The following MICU2 variants were observed in gnomAD, a reference collection of about 807,000 sequenced individuals.
MICU2 encodes the protein mitochondrial calcium uptake 2.
In MICU2, 64 loss-of-function variants were observed where a neutral mutation model predicts 60.4. The ratio of observed to expected loss-of-function variants is 1.06; its 90% CI spans 0.87 to 1.31. MICU2 has a LOEUF of 1.31. Among genes scored for constraint, MICU2 ranks in the 50% most tolerant of loss-of-function variants. The pLI, the probability that MICU2 is intolerant of heterozygous loss-of-function variation, is 0.00. For synonymous variants in MICU2, 201 were observed against 175.0 expected (o/e 1.15, Z -1.17); for missense variants, 569 against 531.0 (o/e 1.07, Z -0.70).
rs545049229 is a variant in MICU2, at chr13:21,563,075, T to C, written c.358+3722A>G. ...CCCTCTTCTTGCTTAAAAAGAAATATATAATTCTTACCATTGTTTTTCTAC... is the reference window on the plus strand; with the variant it reads ...CCCTCTTCTTGCTTAAAAAGAAATACATAATTCTTACCATTGTTTTTCTAC... On this transcript the variant is annotated intron_variant, in intron 2 of 11. Transcript: ENST00000382374. 5.3e-5 allele frequency among the ~76,000 whole-genome samples: 8 copies of C among 152,334 alleles called. No individual in the cohort carries two copies. The South Asian group carries it at 6.2e-4, about 12-fold the overall frequency.
intron 1 of MICU2, among the ~76,000 whole-genome samples, chr13:21,570,999 CT>C (rs1482892355): frequency 2.0e-5 from 3 of 152,276 alleles, no homozygotes; most frequent in African/African-American, 7.2e-5. Flanking sequence ...CTTTTCCTTT[CT>C]TTCTTCACTT....
chr13:21,570,485 T>C (rs1204941840), intron 1 of MICU2, among the ~76,000 whole-genome samples: 1 of 152,212 alleles, frequency 6.6e-6, no homozygotes, highest in Non-Finnish European at 1.5e-5. Context: ...ACTTGATAGA[T>C]TTAATGGTCA....
At chr13:21,518,623 T>G (rs12861578) in intron 6 of MICU2, among the ~76,000 whole-genome samples, 50,001 of 152,046 alleles carry the variant, frequency 0.33, 9,257 homozygotes, top group Non-Finnish European at 0.41. Flanking sequence ...TTATGGTAAA[T>G]GCAAATTCTC....
chr13:21,592,331 G>A (rs193081254), intron 1 of MICU2, among the ~76,000 whole-genome samples: 2 of 152,232 alleles, frequency 1.3e-5, no homozygotes, highest in Non-Finnish European at 2.9e-5. Flanking sequence ...TCGAATCCTT[G>A]AATAGACCAA....
intron 4 of MICU2, among the ~76,000 whole-genome samples, chr13:21,533,650 T>C (rs1887062067): frequency 1.3e-5 from 2 of 152,076 alleles, no homozygotes; most frequent in Admixed American, 1.3e-4. Flanking sequence ...AAAAATTCTA[T>C]TTGTGTTTAA....
At chr13:21,592,311 CAAG>C (rs1346896771) in intron 1 of MICU2, among the ~76,000 whole-genome samples, 2 of 152,060 alleles carry the variant, frequency 1.3e-5, no homozygotes, top group Non-Finnish European at 2.9e-5. Flanking sequence ...AAGACTAAAT[CAAG>C]AAGAAGTCGA....
intron 2 of MICU2, among the ~76,000 whole-genome samples, chr13:21,563,316 G>A (rs548301722): frequency 9.2e-5 from 14 of 152,126 alleles, no homozygotes; most frequent in South Asian, 8.3e-4. Flanking sequence ...TTAGTCGGGC[G>A]TGGTGGCGGG....
At chr13:21,501,269 T>C (rs569140481) in intron 9 of MICU2, among the ~76,000 whole-genome samples, 1 of 133,456 alleles carries the variant, frequency 7.5e-6, no homozygotes, top group Admixed American at 7.2e-5. Flanking sequence ...ATATAAAGTC[T>C]TTTTTTTTTT....
At chr13:21,572,434 A>G (rs1189135085) in intron 1 of MICU2, among the ~76,000 whole-genome samples, 1 of 152,220 alleles carries the variant, frequency 6.6e-6, no homozygotes, top group African/African-American at 2.4e-5. Flanking sequence ...AAGTGAATCT[A>G]CATTTTACAG....
At chr13:21,548,140 G>T (rs961960041) in intron 2 of MICU2, among the ~76,000 whole-genome samples, 2 of 152,074 alleles carry the variant, frequency 1.3e-5, no homozygotes, top group African/African-American at 4.8e-5. Context: ...CAGTATTTTA[G>T]AAAAAATATT....
At chr13:21,596,518 G>A (rs1450171993) in intron 1 of MICU2, among the ~76,000 whole-genome samples, 4 of 151,896 alleles carry the variant, frequency 2.6e-5, no homozygotes, top group Non-Finnish European at 5.9e-5. Flanking sequence ...CCGCCTCCGG[G>A]GTTCAAGTGA....
chr13:21,567,143 G>A (rs1888005195), intron 1 of MICU2, among the ~76,000 whole-genome samples, 199 bp from the exon 2 acceptor site: 1 of 152,126 alleles, frequency 6.6e-6, no homozygotes, highest in South Asian at 2.1e-4. Context: ...TGAGGGAAGT[G>A]ACATTCCAAA....
chr13:21,494,291 CTT>C (rs1428057910), intron 11 of MICU2, among the ~76,000 whole-genome samples: 1 of 151,932 alleles, frequency 6.6e-6, no homozygotes, highest in Non-Finnish European at 1.5e-5. Flanking sequence ...TCTCTCTCTC[CTT>C]CCTTTTTTCT....
Position 21,526,113 on chromosome 13 carries a change from CT to C in MICU2, c.467-3464del, listed in dbSNP as rs34999871. Among the ~76,000 whole-genome samples, 513 of 110,588 alleles carry C rather than the reference CT, an allele frequency of 4.6e-3. 3 individuals are homozygous for C. The highest frequency in any genetic ancestry group is 8.1e-3 in the African/African-American group (240 of 29,586). 72.6% of individuals were successfully genotyped at this position (110,588 alleles called of 152,430 possible). On this transcript the variant is annotated intron_variant, in intron 4 of 11. Transcript: ENST00000382374. The stretch of plus-strand genomic sequence containing the variant: ...CCACCATGTCTAGCTAATTAAAATA[CT>C]TTTTTTTTTTTTTTTTTTTTGGAGA...
chr13:21,547,182 T>C (rs1031185961), intron 2 of MICU2, among the ~76,000 whole-genome samples: 3 of 152,166 alleles, frequency 2.0e-5, no homozygotes, highest in South Asian at 2.1e-4. Flanking sequence ...ACATGCTCTA[T>C]GAGTTGAGGC....
chr13:21,558,240 C>A (rs1008408023), intron 2 of MICU2, among the ~76,000 whole-genome samples: 1 of 152,120 alleles, frequency 6.6e-6, no homozygotes. Context: ...TTTGGGTATG[C>A]CTTCAGTCAC....
intron 4 of MICU2, 142 bp downstream of exon 4, chr13:21,539,160 A>G (rs1887211621): frequency 3.0e-6 from 2 of 662,784 alleles, no homozygotes; most frequent in Non-Finnish European, 5.2e-6. Context: ...TTGCTCAAAG[A>G]CTTTGAAAAA....
At position 21,514,748 on chromosome 13, in the gene MICU2, G is replaced by A. The variant is rs554353899; in HGVS notation, c.598-330C>T. Among the ~76,000 whole-genome samples the A allele has an allele frequency of 1.2e-3, 188 of 150,578 alleles. 1 individual carries two copies. The South Asian group carries it at 0.022, about 17-fold the overall frequency. ...GTAGAGACGGGGTTTCACCGTGTTA[G>A]CCAGGATGGTCTCGATCTCCTGACT... On this transcript the variant is annotated intron_variant, in intron 6 of 11. Transcript: ENST00000382374.
At position 21,495,302 on chromosome 13, in the gene MICU2, A is replaced by G. The variant is rs1034396064; in HGVS notation, c.1059T>C (p.Ala353=). The change falls in exon 11 of 12, where the codon GCT becomes GCC. Residue 353 remains alanine, a synonymous_variant. Transcript: ENST00000382374. The stretch of plus-strand genomic sequence containing the variant: ...GTTCTTGTCCTGTTGCTACTTTCAC[A>G]GCTCTCTTAAACTCCGCTAAAAAAC... ...RPVRLAEFKR[A]VKVATGQELS... is the part of the protein sequence containing the mutation. 2.1e-5 allele frequency: 34 copies of G among 1,605,424 alleles called. No homozygotes were observed. Among genetic ancestry groups the G allele is most frequent in the Non-Finnish European group, 2.7e-5 (32 of 1,175,718 alleles).
Sources: gnomAD v4.1 joint callset for allele counts (sites outside exome capture counted in the v4.1 genomes callset) on GRCh38, gnomAD v4.1.1 for gene constraint, MANE v1.5 for transcripts, NCBI Gene and HGNC (gene_info 2026-07-23, HGNC 2026-07-21) for gene names.